C3orf49: variants seen among roughly 807,000 people sequenced by gnomAD.
C3orf49 encodes chromosome 3 open reading frame 49.
A neutral mutation model predicts 13.3 loss-of-function variants in C3orf49; 27 were observed. The observed-to-expected ratio is 2.02, with a 90% CI of 1.49 to 2.79. The LOEUF is 2.79. Ranked by LOEUF, C3orf49 falls within the 30% of genes most tolerant of loss-of-function variation. The pLI, the probability that C3orf49 is intolerant of heterozygous loss-of-function variation, is 0.00. For synonymous variants in C3orf49, 87 were observed against 47.6 expected (o/e 1.83, Z -3.40); for missense variants, 242 against 134.2 (o/e 1.80, Z -3.97).
At chr3:63,847,931 G>T (rs982104530) in intron 6 of C3orf49, among the ~76,000 whole-genome samples, 4 of 152,132 alleles carry the variant, frequency 2.6e-5, no homozygotes, top group African/African-American at 9.7e-5. Context: ...GCCATGATGG[G>T]AATGGGGGTG....
intron 6 of C3orf49, chr3:63,846,257 G>C (rs755057130): frequency 2.3e-6 from 1 of 442,116 alleles, no homozygotes; most frequent in Non-Finnish European, 4.5e-6. Context: ...TAAGAGAATC[G>C]TCTGAAAAAT....
chr3:63,831,791 A>G lies in C3orf49; in HGVS notation c.796A>G (p.Lys266Glu). Residue 266 changes from lysine (K) to glutamate (E), a missense_variant, in exon 5 of 7, where the codon AAA becomes GAA. By Grantham distance (56) the Lys-to-Glu change is moderately conservative. Coordinates refer to ENST00000295896, the MANE Select transcript of C3orf49 (RefSeq NM_001355236.2). ...GGGGGATGAAATTCTTCAGTCTTCT[A>G]AACAGTTCCAGAGGATATCCAAGAG... ...FLGDEILQSS[K>E]QFQRISKRTM... 2.8e-6 allele frequency: 2 copies of G among 703,030 alleles called. No individual in the cohort carries two copies. Among genetic ancestry groups the G allele is most frequent in the Non-Finnish European group, 5.2e-6 (2 of 385,016 alleles). The allele number at this position is 703,030 out of a possible 1,614,324, so 43.5% of individuals were successfully genotyped here. A position where few individuals can be genotyped will look rare whatever the true frequency, so the allele number is the denominator to read the frequency against.
At chr3:63,820,800 T>C (rs1289541941) in intron 1 of C3orf49, among the ~76,000 whole-genome samples, 1 of 152,082 alleles carries the variant, frequency 6.6e-6, no homozygotes, top group Non-Finnish European at 1.5e-5. Context: ...TGCCAGAAAA[T>C]CATTATAATA....
At position 63,827,669 on chromosome 3, in the gene C3orf49, G is replaced by C; in HGVS notation, c.514G>C (p.Ala172Pro). ...AACCCAGGGAAACACACTCCTTCGG[G>C]CCAGGAGAACCACCAAGCGGTTATC... ...EITQGNTLLR[A>P]RRTTKRLSVT... is the part of the protein sequence containing the mutation. The change falls in exon 3 of 7, where the codon GCC becomes CCC. Residue 172 changes from alanine to proline, a missense_variant. Coordinates refer to ENST00000295896, the MANE Select transcript of C3orf49 (RefSeq NM_001355236.2). The C allele has an allele frequency of 2.8e-6, 2 of 703,136 alleles. No homozygotes were observed. Among genetic ancestry groups the C allele is most frequent in the East Asian group, 5.4e-5 (2 of 37,280 alleles). 43.6% of individuals were successfully genotyped at this position (703,136 alleles called of 1,614,324 possible).
At chr3:63,805,103 T>C in the C3orf49 span, 2 of 152,286 alleles carry the variant, frequency 1.3e-5, no homozygotes, top group Non-Finnish European at 2.9e-5. Context: ...GCATTAATAA[T>C]AACAGGATCT....
the C3orf49 span, among the ~76,000 whole-genome samples, chr3:63,782,274 A>G: frequency 5.3e-4 from 80 of 151,684 alleles, no homozygotes; most frequent in Non-Finnish European, 8.8e-4. Flanking sequence ...AACCCTTTTT[A>G]AAAAATCTTA....
chr3:63,831,051 C>A, intron 3 of C3orf49, 59 bp from the exon 4 acceptor site: 1 of 674,128 alleles, frequency 1.5e-6, no homozygotes, highest in South Asian at 1.6e-5. Context: ...TGTTTAAGCA[C>A]CATCACATAA....
chr3:63,840,227 GCA>G (rs1701728500), intron 5 of C3orf49, among the ~76,000 whole-genome samples: 1 of 152,056 alleles, frequency 6.6e-6, no homozygotes, highest in African/African-American at 2.4e-5. Context: ...CTGTTGAGAA[GCA>G]CTGACAAAAG....
the C3orf49 span, among the ~76,000 whole-genome samples, chr3:63,801,523 A>G: frequency 2.6e-5 from 4 of 152,178 alleles, no homozygotes; most frequent in Non-Finnish European, 5.9e-5. Flanking sequence ...CATCAAACAA[A>G]TAAATGAATA....
At chr3:63,839,812 G>A in intron 5 of C3orf49, 1 of 1,560,980 alleles carries the variant, frequency 6.4e-7, no homozygotes, top group Non-Finnish European at 8.8e-7. Context: ...CTGGCTCTTG[G>A]TAACTTTCAA....
chr3:63,806,857 A>G, the C3orf49 span, among the ~76,000 whole-genome samples: 2 of 152,108 alleles, frequency 1.3e-5, no homozygotes, highest in Non-Finnish European at 2.9e-5. Context: ...GACACATTGT[A>G]TTATAATTGC....
chr3:63,798,187 G>T, the C3orf49 span, among the ~76,000 whole-genome samples: 1 of 152,146 alleles, frequency 6.6e-6, no homozygotes, highest in Non-Finnish European at 1.5e-5. Context: ...TAATTCAGGG[G>T]AGATGTGTAG....
At chr3:63,801,498 T>C in the C3orf49 span, among the ~76,000 whole-genome samples, 2 of 152,120 alleles carry the variant, frequency 1.3e-5, no homozygotes, top group Non-Finnish European at 2.9e-5. Context: ...AATAAGATAA[T>C]TTTTAGTACA....
the C3orf49 span, among the ~76,000 whole-genome samples, chr3:63,810,416 G>A: frequency 6.6e-6 from 1 of 152,256 alleles, no homozygotes; most frequent in East Asian, 1.9e-4. Context: ...GTCCATAGTA[G>A]GCACTTAATA....
the C3orf49 span, among the ~76,000 whole-genome samples, chr3:63,781,556 C>T: frequency 6.6e-6 from 1 of 152,118 alleles, no homozygotes; most frequent in Admixed American, 6.6e-5. Context: ...ATGGGGATGG[C>T]ATTGAATCTA....
At chr3:63,793,897 T>C in the C3orf49 span, among the ~76,000 whole-genome samples, 2 of 152,132 alleles carry the variant, frequency 1.3e-5, no homozygotes, top group Admixed American at 1.3e-4. Context: ...GGCTCACACC[T>C]GTAATCCCAG....
the C3orf49 span, among the ~76,000 whole-genome samples, chr3:63,789,031 C>T: frequency 6.6e-6 from 1 of 152,116 alleles, no homozygotes; most frequent in Non-Finnish European, 1.5e-5. Flanking sequence ...GGTTCCCCAA[C>T]CCCCAGGCCA....
At chr3:63,837,896 T>TA in intron 5 of C3orf49, 1 of 1,300,452 alleles carries the variant, frequency 7.7e-7, no homozygotes, top group Non-Finnish European at 1.1e-6. Context: ...CTGCAGATTT[T>TA]ACCTCACAAC....
At position 63,836,895 on chromosome 3, in the gene C3orf49, T is replaced by A. The variant is rs1482091117; in HGVS notation, c.849+5051T>A. On this transcript the variant is annotated intron_variant, in intron 5 of 6. Coordinates refer to ENST00000295896, the MANE Select transcript of C3orf49 (RefSeq NM_001355236.2). ...GTCATGTAACTCCTGTTAAGCTTTCTTATGAAGTGATGAGTGGCAGGATTT... is the reference window on the plus strand; with the variant it reads ...GTCATGTAACTCCTGTTAAGCTTTCATATGAAGTGATGAGTGGCAGGATTT... Among the ~76,000 whole-genome samples the A allele has an allele frequency of 2.6e-5, 4 of 151,962 alleles. No homozygotes were observed. The East Asian group carries it at 7.7e-4, about 29-fold the overall frequency.
Sources: allele counts gnomAD v4.1 joint callset (sites outside exome capture counted in the v4.1 genomes callset), GRCh38; gene constraint gnomAD v4.1.1; transcripts MANE v1.5; gene names NCBI Gene and HGNC (gene_info 2026-07-23, HGNC 2026-07-21).